The following KIZ variants were observed in gnomAD, a reference collection of about 807,000 sequenced individuals.
KIZ encodes kizuna centrosomal protein.
In KIZ, 68 loss-of-function variants were observed where a neutral mutation model predicts 79.6. That is an observed-to-expected ratio of 0.85 (90% CI 0.70 to 1.05). The LOEUF is 1.05. Among genes scored for constraint, KIZ ranks in the 50% least tolerant of loss-of-function variants. The probability of loss-of-function intolerance (pLI) is 0.00; values close to 1 mark genes in which losing one functional copy is unlikely to be tolerated. For missense variants in KIZ, 797 were observed against 800.4 expected (o/e 1.00, Z 0.05); for synonymous variants, 280 against 281.8 (o/e 0.99, Z 0.06).
In KIZ at chr20:21,246,477, A is replaced by G. The variant is rs1179580801; in HGVS notation, c.1925-2A>G. 6.3e-7 allele frequency: 1 copy of G among 1,588,882 alleles called. No individual in the cohort carries two copies. Among genetic ancestry groups the G allele is most frequent in the South Asian group, 1.1e-5 (1 of 90,302 alleles). On this transcript the variant is annotated splice_acceptor_variant, in intron 12 of 12. Coordinates refer to ENST00000619189, the MANE Select transcript of KIZ (RefSeq NM_018474.6). LOFTEE classifies it high-confidence loss of function. Reference sequence around the variant, plus strand: ...AAATAACTGTCTGGTTTTATTTTCCAGCCCTCTGGGATGAGTCTGATGACA... The same window carrying G: ...AAATAACTGTCTGGTTTTATTTTCCGGCCCTCTGGGATGAGTCTGATGACA...
chr20:21,233,154 G>GA (rs1446067777), intron 11 of KIZ, among the ~76,000 whole-genome samples: 1 of 152,186 alleles, frequency 6.6e-6, no homozygotes, highest in Non-Finnish European at 1.5e-5. Flanking sequence ...AGGGCAGAGA[G>GA]AAAACATCAG....
At chr20:21,126,957 G>A (rs899309906) in intron 1 of KIZ, among the ~76,000 whole-genome samples, 1 of 152,170 alleles carries the variant, frequency 6.6e-6, no homozygotes, top group South Asian at 2.1e-4. Flanking sequence ...TAGTTGACAA[G>A]AAAGGAAATA....
At position 21,162,158 on chromosome 20, in the gene KIZ, G is replaced by A; in HGVS notation, c.693G>A (p.Gln231=). ...ACATAGATGGAAAGGCATCTCTTCA[G>A]ATTGGTGAGAAAATGCCAGTCACAG... The part of the protein sequence containing the change: ...SDNIDGKASL[Q]IGEKMPVTAS... The change falls in exon 5 of 13, where the codon CAG becomes CAA. Residue 231 remains glutamine, a synonymous_variant. Coordinates refer to ENST00000619189, the MANE Select transcript of KIZ (RefSeq NM_018474.6). 6.2e-7 allele frequency: 1 copy of A among 1,611,246 alleles called. No individual in the cohort carries two copies. The highest frequency in any genetic ancestry group is 8.5e-7 in the Non-Finnish European group (1 of 1,178,564).
chr20:21,138,811 A>G (rs1187457543), intron 3 of KIZ: 1 of 151,830 alleles, frequency 6.6e-6, no homozygotes. Context: ...TGCCTGAACC[A>G]GTTATTTCTA....
At chr20:21,137,710 C>T (rs2032278038) in intron 3 of KIZ, among the ~76,000 whole-genome samples, 1 of 151,972 alleles carries the variant, frequency 6.6e-6, no homozygotes, top group South Asian at 2.1e-4. Context: ...GAGCGTGGAT[C>T]TCCTAAATGC....
chr20:21,154,785 T>C (rs957730473), intron 4 of KIZ, among the ~76,000 whole-genome samples: 3 of 152,188 alleles, frequency 2.0e-5, no homozygotes, highest in African/African-American at 4.8e-5. Context: ...AGACACATAA[T>C]AGTGTTCAGA....
chr20:21,227,352 C>T (rs1212377092), intron 9 of KIZ, among the ~76,000 whole-genome samples: 1 of 152,158 alleles, frequency 6.6e-6, no homozygotes, highest in Non-Finnish European at 1.5e-5. Flanking sequence ...CATGCCGCTC[C>T]AGCTTCCAGT....
intron 2 of KIZ, among the ~76,000 whole-genome samples, chr20:21,136,032 TAAGA>T (rs1358812374): frequency 6.6e-6 from 1 of 152,240 alleles, no homozygotes; most frequent in Non-Finnish European, 1.5e-5. Flanking sequence ...TTGTCATATG[TAAGA>T]ATGTTAGTGA....
chr20:21,206,157 G>A (rs1320343992), intron 7 of KIZ, among the ~76,000 whole-genome samples: 1 of 152,028 alleles, frequency 6.6e-6, no homozygotes, highest in East Asian at 1.9e-4. Context: ...CTAGTTTTCC[G>A]TCTCCACTCC....
chr20:21,224,479 G>C (rs998933959), intron 9 of KIZ, among the ~76,000 whole-genome samples: 2 of 152,220 alleles, frequency 1.3e-5, no homozygotes, highest in Non-Finnish European at 2.9e-5. Flanking sequence ...AAGTAACAAT[G>C]CTGAGAAATT....
At chr20:21,154,976 T>C (rs1234011281) in intron 4 of KIZ, among the ~76,000 whole-genome samples, 1 of 152,240 alleles carries the variant, frequency 6.6e-6, no homozygotes, top group African/African-American at 2.4e-5. Flanking sequence ...TGGAGCTAGT[T>C]CAAATGCAGC....
chr20:21,208,163 T>C (rs1241004871), intron 7 of KIZ, among the ~76,000 whole-genome samples: 1 of 152,114 alleles, frequency 6.6e-6, no homozygotes, highest in African/African-American at 2.4e-5. Context: ...GTTGATCGAC[T>C]GTCCTTTGCT....
chr20:21,188,001 C>G (rs912983616), intron 6 of KIZ, among the ~76,000 whole-genome samples: 3 of 152,208 alleles, frequency 2.0e-5, no homozygotes, highest in African/African-American at 7.2e-5. Context: ...CTCTGATCTT[C>G]TCCCACTCTC....
At chr20:21,138,401 C>A (rs182840505) in intron 3 of KIZ, among the ~76,000 whole-genome samples, 66 of 152,312 alleles carry the variant, frequency 4.3e-4, no homozygotes, top group African/African-American at 1.5e-3. Context: ...GTAGAATTTT[C>A]TGCAGTGATG....
At chr20:21,159,179 T>C (rs1008854870) in intron 4 of KIZ, among the ~76,000 whole-genome samples, 1 of 151,554 alleles carries the variant, frequency 6.6e-6, no homozygotes, top group South Asian at 2.1e-4. Flanking sequence ...ATTAAAAAAA[T>C]TTTTTTTAAT....
intron 5 of KIZ, 27 bp downstream of exon 5, chr20:21,162,534 C>T: frequency 1.9e-6 from 3 of 1,573,206 alleles, no homozygotes; most frequent in Non-Finnish European, 2.6e-6. Flanking sequence ...AGTTTGGTTG[C>T]TGATTTTTCT....
At chr20:21,239,468 C>G (rs1431696744) in intron 11 of KIZ, among the ~76,000 whole-genome samples, 1 of 152,200 alleles carries the variant, frequency 6.6e-6, no homozygotes, top group Non-Finnish European at 1.5e-5. Context: ...CCTCTCTGGG[C>G]TCAACCACTG....
In KIZ at chr20:21,186,970, A is replaced by G. The variant is rs577512164; in HGVS notation, c.1353-18521A>G. On this transcript the variant is annotated intron_variant, in intron 6 of 12. Coordinates refer to ENST00000619189, the MANE Select transcript of KIZ (RefSeq NM_018474.6). ...TGATTCAGCATCTTCAGTTTAATAC[A>G]GGGCAGGTTGAGCATCCCAAATCCC... 8.5e-5 allele frequency among the ~76,000 whole-genome samples: 13 copies of G among 152,308 alleles called. No homozygotes were observed. The East Asian group carries it at 1.9e-3, about 23-fold the overall frequency.
intron 5 of KIZ, 137 bp downstream of exon 5, chr20:21,162,644 T>C (rs1409018597): frequency 2.4e-5 from 19 of 792,718 alleles, no homozygotes; most frequent in Non-Finnish European, 3.7e-5. Context: ...AACTCTTAAA[T>C]ATGTACATGG....
Sources: gnomAD v4.1 joint callset for allele counts (sites outside exome capture counted in the v4.1 genomes callset) on GRCh38, gnomAD v4.1.1 for gene constraint, MANE v1.5 for transcripts, NCBI Gene and HGNC (gene_info 2026-07-23, HGNC 2026-07-21) for gene names.